The following NR1I3 variants were observed in gnomAD, a reference collection of about 807,000 sequenced individuals.
NR1I3 encodes the protein constitutive activator of retinoid response.
Under a neutral mutation model 38.4 loss-of-function variants are expected in NR1I3, and 30 were observed. That is an observed-to-expected ratio of 0.78 (90% CI 0.58 to 1.06). The LOEUF is 1.06. Ranked by LOEUF, NR1I3 falls within the 50% of genes least tolerant of loss-of-function variation. The pLI is 0.00. For missense variants in NR1I3, 388 were observed against 435.7 expected, an observed-to-expected ratio of 0.89 and a Z score of 0.97; for synonymous variants, 143 against 165.1, an observed-to-expected ratio of 0.87 and a Z score of 1.03.
In NR1I3 at chr1:161,229,705, T is replaced by G. The variant is rs752324753; in HGVS notation, c.*92A>C. The G allele has an allele frequency of 6.0e-5, 97 of 1,614,050 alleles. No individual in the cohort carries two copies. The South Asian group carries it at 1.0e-3, about 17-fold the overall frequency. ...TTTCATTGCAACCACTGGGCTCCCT[T>G]TGAACCCGGCCCAATCTTTGGTCCC... On this transcript the variant is annotated 3_prime_UTR_variant, in exon 9 of 9. Coordinates refer to ENST00000367983, the MANE Select transcript of NR1I3 (RefSeq NM_005122.5).
intron 1 of NR1I3, among the ~76,000 whole-genome samples, chr1:161,237,666 C>T (rs558791260): frequency 1.3e-4 from 20 of 151,532 alleles, no homozygotes; most frequent in Middle Eastern, 3.4e-3. Flanking sequence ...TGCAGCGAGC[C>T]GAGATTGCGC....
At chr1:161,231,703 T>C (rs529815958) in intron 5 of NR1I3, among the ~76,000 whole-genome samples, 1 of 152,296 alleles carries the variant, frequency 6.6e-6, no homozygotes, top group South Asian at 2.1e-4. Flanking sequence ...GTTTTCACCA[T>C]GTTGGCCAGG....
chr1:161,235,548 G>T (rs1206623251), intron 3 of NR1I3: 4 of 296,094 alleles, frequency 1.4e-5, no homozygotes, highest in Non-Finnish European at 2.0e-5. Flanking sequence ...GATTACAGGC[G>T]TGAGCCACCG....
intron 3 of NR1I3, chr1:161,235,642 A>C (rs1174603131): frequency 1.3e-5 from 7 of 530,336 alleles, no homozygotes; most frequent in East Asian, 7.5e-5. Flanking sequence ...TATGAAATAA[A>C]GTCTGAAAGG....
chr1:161,235,843 T>C lies in NR1I3; in HGVS notation c.238+4A>G. 6.2e-7 allele frequency: 1 copy of C among 1,614,114 alleles called. No individual in the cohort carries two copies. The highest frequency in any genetic ancestry group is 8.5e-7 in the Non-Finnish European group (1 of 1,179,988). ...GATTCTTGAGATGTAGGGGGCCAAC[T>C]CACTGTCTTTCCTCATGCCAGCATC... is the stretch of plus-strand genomic sequence containing the variant. On this transcript the variant is annotated splice_donor_region_variant and intron_variant, in intron 3 of 8. Coordinates refer to ENST00000367983, the MANE Select transcript of NR1I3 (RefSeq NM_005122.5).
intron 1 of NR1I3, among the ~76,000 whole-genome samples, chr1:161,237,741 C>CAAAAAACA (rs952993945): frequency 6.6e-6 from 1 of 151,848 alleles, no homozygotes; most frequent in East Asian, 1.9e-4. Context: ...AAAAACAAAA[C>CAAAAAACA]AAAAAACAAA....
At chr1:161,235,265 T>TTTC (rs1558123065) in intron 3 of NR1I3, 3 of 115,268 alleles carry the variant, frequency 2.6e-5, no homozygotes, top group African/African-American at 9.6e-5. Context: ...TGTTTTTTTT[T>TTTC]TTTTTTTTTT....
intron 8 of NR1I3, chr1:161,230,233 C>A (rs963214822): frequency 7.5e-6 from 3 of 398,900 alleles, no homozygotes; most frequent in Non-Finnish European, 1.4e-5. Context: ...GCCTGGCCTT[C>A]TAGAGCAGGT....
At chr1:161,233,895 G>GTATA (rs1667981575) in intron 3 of NR1I3, among the ~76,000 whole-genome samples, 7 of 144,994 alleles carry the variant, frequency 4.8e-5, no homozygotes, top group Non-Finnish European at 7.5e-5. Flanking sequence ...GTGTATATGT[G>GTATA]TGTGTATATA....
rs1187325998 is a variant in NR1I3 at position 161,230,865 on chromosome 1, C to A, written c.865G>T (p.Ala289Ser). 1.2e-6 allele frequency: 2 copies of A among 1,614,186 alleles called. No individual in the cohort carries two copies. The highest frequency in any genetic ancestry group is 2.2e-5 in the East Asian group (1 of 44,888). ...TTGATGTAGCTTTGCAGAGTCAGTGCCATCTCCTCTTGCAGCTGATCAATC... is the reference window on the plus strand; with the variant it reads ...TTGATGTAGCTTTGCAGAGTCAGTGACATCTCCTCTTGCAGCTGATCAATC... ...DEIDQLQEEM[A>S]LTLQSYIKGQ... is the part of the protein sequence containing the mutation. The change falls in exon 8 of 9, where the codon GCA (alanine) becomes TCA (serine). Residue 289 changes from alanine (A) to serine (S), a missense_variant. Coordinates refer to ENST00000367983, the MANE Select transcript of NR1I3 (RefSeq NM_005122.5).
rs1322651359 is a variant in NR1I3, at chr1:161,238,114, G to A, written c.-107C>T. Reference sequence around the variant, plus strand: ...GGAATGCCTCTCCCCAAACTCCCACGCTGTTGCTGGTTTTCCTCTGATCTC... The same window carrying A: ...GGAATGCCTCTCCCCAAACTCCCACACTGTTGCTGGTTTTCCTCTGATCTC... On this transcript the variant is annotated 5_prime_UTR_variant, in exon 1 of 9. Transcript: ENST00000367983. 1.9e-6 allele frequency: 3 copies of A among 1,609,958 alleles called. No individual in the cohort carries two copies. The highest frequency in any genetic ancestry group is 2.2e-5 in the South Asian group (2 of 90,996).
rs1667650747 is a variant in NR1I3 at position 161,232,794 on chromosome 1, G to A, written c.548+13C>T. On this transcript the variant is annotated intron_variant, in intron 5 of 8. Coordinates refer to ENST00000367983, the MANE Select transcript of NR1I3 (RefSeq NM_005122.5). ...AGTGTTTGCCTCCTGAAAGATGAGG[G>A]GAGGTCACTCACCGGAAGACGGGCA... is the stretch of plus-strand genomic sequence containing the variant. 3 of 1,613,810 alleles carry A rather than the reference G, an allele frequency of 1.9e-6. No homozygotes were observed. Among genetic ancestry groups the A allele is most frequent in the East Asian group, 2.2e-5 (1 of 44,900 alleles).
At position 161,234,660 on chromosome 1, in the gene NR1I3, C is replaced by G. The variant is rs117631668; in HGVS notation, c.238+1187G>C. Reference sequence around the variant, plus strand: ...GACCTCAACAATCCTCTTGTCTCAGCCTTCCAAAGTGCTGGGATTAGAGGT... The same window carrying G: ...GACCTCAACAATCCTCTTGTCTCAGGCTTCCAAAGTGCTGGGATTAGAGGT... On this transcript the variant is annotated intron_variant, in intron 3 of 8. Transcript: ENST00000367983. Among the ~76,000 whole-genome samples, 330 of 152,264 alleles carry G rather than the reference C, an allele frequency of 2.2e-3. 3 individuals are homozygous for G. The East Asian group carries it at 0.033, about 15-fold the overall frequency.
At chr1:161,234,283 G>A (rs1368914730) in intron 3 of NR1I3, among the ~76,000 whole-genome samples, 4 of 151,898 alleles carry the variant, frequency 2.6e-5, no homozygotes, top group African/African-American at 4.8e-5. Context: ...GATTACAGGC[G>A]TGAGCCACTG....
intron 1 of NR1I3, 33 bp downstream of exon 1, chr1:161,238,008 C>T: frequency 6.3e-7 from 1 of 1,583,646 alleles, no homozygotes; most frequent in Non-Finnish European, 8.7e-7. Context: ...TATTTTATTA[C>T]ATTTAGTCTT....
In NR1I3 at chr1:161,233,292, G is replaced by A; in HGVS notation, c.285C>T (p.Ala95=). 1 of 1,614,134 alleles carries A rather than the reference G, an allele frequency of 6.2e-7. No individual in the cohort carries two copies. The highest frequency in any genetic ancestry group is 1.1e-5 in the South Asian group (1 of 91,078). Residue 95 remains alanine (A), a synonymous_variant, in exon 4 of 9, where the codon GCC becomes GCT. Transcript: ENST00000367983. The part of the protein sequence containing the change: ...EALALRRAKQ[A]QRRAQQTPVQ... ...CAGGTGTTTGCTGTGCCCGCCGCTG[G>A]GCCTGCTTTGCTCGCCGCAATGCCA...
rs772275874 is a variant in NR1I3, at chr1:161,231,256, G to A, written c.695-23C>T. ...CCACTGTGGGAGATACTAGGATTAG[G>A]AGCCTCTAGGTCACCTGACCACATC... On this transcript the variant is annotated intron_variant, in intron 6 of 8. Coordinates refer to ENST00000367983, the MANE Select transcript of NR1I3 (RefSeq NM_005122.5). The A allele has an allele frequency of 8.1e-6, 13 of 1,613,992 alleles. No individual in the cohort carries two copies. In the South Asian group the frequency reaches 1.3e-4, roughly 16 times the overall value.
intron 3 of NR1I3, among the ~76,000 whole-genome samples, chr1:161,234,223 G>A (rs1668117169): frequency 1.3e-5 from 2 of 150,198 alleles, no homozygotes; most frequent in Admixed American, 6.7e-5. Flanking sequence ...GGCTGGTCTC[G>A]AACTCCTGAC....
chr1:161,233,297 G>A lies in NR1I3; in HGVS notation c.280C>T (p.Gln94Ter). ...GTTTGCTGTGCCCGCCGCTGGGCCT[G>A]CTTTGCTCGCCGCAATGCCAGGGCT... ...AEALALRRAK[Q>*]AQRRAQQTPV... The change falls in exon 4 of 9, where the codon CAG becomes TAG. Residue 94 changes from glutamine to a stop codon, truncating the protein, a stop_gained. Transcript: ENST00000367983. LOFTEE classifies it high-confidence loss of function. The A allele has an allele frequency of 6.2e-7, 1 of 1,614,136 alleles. No homozygotes were observed. The highest frequency in any genetic ancestry group is 8.5e-7 in the Non-Finnish European group (1 of 1,180,036).
Sources: allele counts gnomAD v4.1 joint callset (sites outside exome capture counted in the v4.1 genomes callset), GRCh38; gene constraint gnomAD v4.1.1; transcripts MANE v1.5; gene names NCBI Gene and HGNC (gene_info 2026-07-23, HGNC 2026-07-21).